The following SCAMP1 variants were observed in gnomAD, a reference collection of about 807,000 sequenced individuals.
The protein encoded by SCAMP1 is secretory carrier-associated membrane protein 1.
Under a neutral mutation model 41.8 loss-of-function variants are expected in SCAMP1, and 15 were observed. The observed-to-expected ratio is 0.36, with a 90% CI of 0.24 to 0.55. The LOEUF is 0.55. Ranked by LOEUF, SCAMP1 falls within the 20% of genes least tolerant of loss-of-function variation. SCAMP1 has a pLI of 0.86. For missense variants in SCAMP1, 341 were observed against 412.6 expected, an observed-to-expected ratio of 0.83 and a Z score of 1.50; for synonymous variants, 135 against 136.8, an observed-to-expected ratio of 0.99 and a Z score of 0.09.
At chr5:78,429,714 T>G (rs1752556085) in intron 6 of SCAMP1, among the ~76,000 whole-genome samples, 1 of 152,088 alleles carries the variant, frequency 6.6e-6, no homozygotes, top group Non-Finnish European at 1.5e-5. Flanking sequence ...TTTCTCAGTT[T>G]GTTATGTTGT....
intron 6 of SCAMP1, among the ~76,000 whole-genome samples, chr5:78,430,312 A>C (rs1752586871): frequency 6.7e-6 from 1 of 149,406 alleles, no homozygotes; most frequent in South Asian, 2.1e-4. Flanking sequence ...TTACAGCTGC[A>C]CTTTCTAGTA....
intron 1 of SCAMP1, chr5:78,370,702 T>G (rs906490888): frequency 6.6e-6 from 1 of 152,216 alleles, no homozygotes; most frequent in African/African-American, 2.4e-5. Context: ...TACCTACAAG[T>G]GGAATTGCCT....
At chr5:78,395,242 C>G (rs1477053161) in intron 2 of SCAMP1, among the ~76,000 whole-genome samples, 3 of 152,068 alleles carry the variant, frequency 2.0e-5, no homozygotes, top group Non-Finnish European at 4.4e-5. Context: ...TTTATTTTCT[C>G]CAGACTGTCT....
Position 78,397,958 on chromosome 5 carries a change from G to A in SCAMP1, c.135+9044G>A, listed in dbSNP as rs115571234. Among the ~76,000 whole-genome samples the A allele has an allele frequency of 6.4e-3, 974 of 152,296 alleles. 8 individuals are homozygous for A. The highest frequency in any genetic ancestry group is 0.022 in the African/African-American group (926 of 41,558). Reference sequence around the variant, plus strand: ...AAGAGTCAGGCAATAGCGAGTATTGGCAAGGATGTGGAGAATTGGAACCTT... The same window carrying A: ...AAGAGTCAGGCAATAGCGAGTATTGACAAGGATGTGGAGAATTGGAACCTT... On this transcript the variant is annotated intron_variant, in intron 2 of 8. Transcript: ENST00000621999.
chr5:78,406,781 G>A (rs2112120201), intron 2 of SCAMP1, among the ~76,000 whole-genome samples: 1 of 152,296 alleles, frequency 6.6e-6, no homozygotes, highest in Admixed American at 6.5e-5. Context: ...ATTTAAGCAT[G>A]TAGTCTATTC....
At chr5:78,460,827 T>TTCTTTCTTTCTTTCTTTCTTTCC (rs1452759614) in intron 8 of SCAMP1, among the ~76,000 whole-genome samples, 1 of 47,594 alleles carries the variant, frequency 2.1e-5, no homozygotes, top group African/African-American at 6.8e-5. Context: ...CTTCCTTTCT[T>TTCTTTCTTTCTTTCTTTCTTTCC]GTCTTTCCTC....
At chr5:78,441,938 G>A (rs1208366439) in intron 6 of SCAMP1, among the ~76,000 whole-genome samples, 1 of 152,186 alleles carries the variant, frequency 6.6e-6, no homozygotes, top group African/African-American at 2.4e-5. Context: ...AGACCAGGCT[G>A]GGCAACATGG....
chr5:78,396,703 A>G (rs1254877237), intron 2 of SCAMP1, among the ~76,000 whole-genome samples: 1 of 152,168 alleles, frequency 6.6e-6, no homozygotes, highest in East Asian at 1.9e-4. Flanking sequence ...GCACTCGAAT[A>G]TTGGAGGTGG....
intron 6 of SCAMP1, among the ~76,000 whole-genome samples, chr5:78,437,642 G>A (rs1030624487): frequency 1.3e-5 from 2 of 152,148 alleles, no homozygotes; most frequent in Admixed American, 6.5e-5. Flanking sequence ...TTTTTGCATC[G>A]ATGTTCATCA....
At chr5:78,452,068 G>C (rs1215660899) in intron 7 of SCAMP1, among the ~76,000 whole-genome samples, 1 of 152,166 alleles carries the variant, frequency 6.6e-6, no homozygotes, top group Non-Finnish European at 1.5e-5. Flanking sequence ...TACAAATAAA[G>C]CTGCCATGAA....
At chr5:78,426,855 C>T (rs141596568) in intron 6 of SCAMP1, among the ~76,000 whole-genome samples, 148 of 152,242 alleles carry the variant, frequency 9.7e-4, no homozygotes, top group African/African-American at 3.2e-3. Context: ...CTTAGAATAA[C>T]GTTTTTGAGG....
intron 1 of SCAMP1, among the ~76,000 whole-genome samples, chr5:78,363,940 C>T (rs941777411): frequency 1.3e-5 from 2 of 151,906 alleles, no homozygotes; most frequent in African/African-American, 2.4e-5. Context: ...CTGTAGTGAT[C>T]GAAAAGAAAA....
intron 1 of SCAMP1, among the ~76,000 whole-genome samples, chr5:78,363,221 T>G (rs545320354): frequency 6.8e-6 from 1 of 148,142 alleles, no homozygotes; most frequent in South Asian, 2.1e-4. Flanking sequence ...CTTTCTTTCT[T>G]TTTTTTTTTG....
chr5:78,405,262 C>T (rs1751904122), intron 2 of SCAMP1, among the ~76,000 whole-genome samples: 1 of 152,152 alleles, frequency 6.6e-6, no homozygotes, highest in Non-Finnish European at 1.5e-5. Flanking sequence ...AGAGTAAAAA[C>T]CATGAGTCTT....
intron 6 of SCAMP1, among the ~76,000 whole-genome samples, chr5:78,444,452 A>G (rs538863406): frequency 1.3e-3 from 193 of 152,288 alleles, no homozygotes; most frequent in African/African-American, 4.3e-3. Context: ...ACTCACTTTC[A>G]TGAGAACAGC....
At chr5:78,363,471 A>C (rs962916018) in intron 1 of SCAMP1, among the ~76,000 whole-genome samples, 30 of 152,168 alleles carry the variant, frequency 2.0e-4, no homozygotes, top group Non-Finnish European at 3.7e-4. Flanking sequence ...GGCCTCCCAA[A>C]GTGCTGGGAT....
chr5:78,449,175 T>C (rs962057683), intron 6 of SCAMP1, among the ~76,000 whole-genome samples: 1 of 151,980 alleles, frequency 6.6e-6, no homozygotes, highest in Non-Finnish European at 1.5e-5. Context: ...ACATGACTAT[T>C]AATAATAGCT....
At chr5:78,459,830 A>C (rs1040718113) in intron 8 of SCAMP1, among the ~76,000 whole-genome samples, 1 of 152,128 alleles carries the variant, frequency 6.6e-6, no homozygotes, top group African/African-American at 2.4e-5. Flanking sequence ...ATGTTGCATA[A>C]TGCTGGGGTT....
At chr5:78,460,808 C>CTTTCTTTCTTTCTTT (rs1164686959) in intron 8 of SCAMP1, among the ~76,000 whole-genome samples, 11 of 23,170 alleles carry the variant, frequency 4.7e-4, no homozygotes, top group Non-Finnish European at 1.1e-3. Flanking sequence ...TTCCTTCCTC[C>CTTTCTTTCTTTCTTT]CTTCCTTCCT....
Sources: allele counts gnomAD v4.1 joint callset (sites outside exome capture counted in the v4.1 genomes callset), GRCh38; gene constraint gnomAD v4.1.1; transcripts MANE v1.5; gene names NCBI Gene and HGNC (gene_info 2026-07-23, HGNC 2026-07-21).